Variants in TIMM8B observed in about 807,000 individuals in gnomAD.
TIMM8B encodes the protein translocase of inner mitochondrial membrane 8 homolog B.
Under a neutral mutation model 8.5 loss-of-function variants are expected in TIMM8B, and 5 were observed. The observed-to-expected ratio is 0.59, with a 90% confidence interval of 0.31 to 1.24. The LOEUF (loss-of-function observed/expected upper bound fraction) is 1.24. Among genes scored for constraint, TIMM8B ranks in the 50% most tolerant of loss-of-function variants. The pLI is 0.07. For missense variants in TIMM8B, 104 were observed against 109.2 expected, an observed-to-expected ratio of 0.95 and a Z score of 0.21; for synonymous variants, 44 against 39.9, an observed-to-expected ratio of 1.10 and a Z score of -0.39.
rs777463291 is a variant in TIMM8B at position 112,086,668 on chromosome 11, T to A, written c.56A>T (p.Glu19Val). 102 of 1,601,806 alleles carry A rather than the reference T, an allele frequency of 6.4e-5. No individual in the cohort carries two copies. The highest frequency in any genetic ancestry group is 8.6e-5 in the Non-Finnish European group (101 of 1,178,606). ...TGCAGTAAACTGCGCCTTCTGCTGC[T>A]CGGCGGCCACCAGGCGCTGCAACTC... ...EAELQRLVAA[E>V]QQKAQFTAQV... The change falls in exon 1 of 2, where the codon GAG (glutamate) becomes GTG (valine). Residue 19 changes from glutamate (E) to valine (V), a missense_variant. Physicochemically the swap from Glu to Val is moderately radical, Grantham distance 121. Transcript: ENST00000504148.
intron 1 of TIMM8B, 69 bp from the exon 2 acceptor site, chr11:112,085,531 C>T: frequency 3.1e-6 from 4 of 1,310,020 alleles, no homozygotes; most frequent in Non-Finnish European, 4.2e-6. Flanking sequence ...ATTAACTTCT[C>T]ACTTTTTGAC....
At chr11:112,086,018 G>A (rs773545276) in intron 1 of TIMM8B, 7 of 1,156,024 alleles carry the variant, frequency 6.1e-6, no homozygotes, top group Non-Finnish European at 6.5e-6. Context: ...TTCTCTCTAA[G>A]GTCCTCAAGG....
intron 1 of TIMM8B, chr11:112,085,966 C>T: frequency 1.8e-6 from 2 of 1,081,918 alleles, no homozygotes; most frequent in South Asian, 2.5e-5. Context: ...AACCATTTTA[C>T]CAAGAGCTTA....
chr11:112,086,069 A>T (rs916499686), intron 1 of TIMM8B: 5 of 1,185,626 alleles, frequency 4.2e-6, no homozygotes, highest in Non-Finnish European at 5.3e-6. Context: ...GTGATTATGT[A>T]GTCCAAGGTC....
chr11:112,085,875 G>A (rs945102547), intron 1 of TIMM8B: 2 of 390,582 alleles, frequency 5.1e-6, no homozygotes, highest in Middle Eastern at 1.2e-3. Flanking sequence ...ACTGTCATTA[G>A]AATGTTCAGG....
intron 1 of TIMM8B, 182 bp downstream of exon 1, chr11:112,086,458 C>G (rs1865600312): frequency 1.1e-6 from 1 of 941,658 alleles, no homozygotes; most frequent in Non-Finnish European, 1.6e-6. Context: ...GCTTATATAC[C>G]TGGCACCTGA....
chr11:112,085,936 C>T, intron 1 of TIMM8B: 1 of 984,162 alleles, frequency 1.0e-6, no homozygotes, highest in Non-Finnish European at 1.3e-6. Flanking sequence ...GCACCCTCTT[C>T]CTCCCACCCA....
Position 112,084,935 on chromosome 11 carries a change from A to T in TIMM8B, c.*360T>A, listed in dbSNP as rs529995315. ...CTTCGATGGTTCTTCCAACCCCCTTAATATGGCTTAGGGTGGTTTTTCAAA... is the reference window on the plus strand; with the variant it reads ...CTTCGATGGTTCTTCCAACCCCCTTTATATGGCTTAGGGTGGTTTTTCAAA... On this transcript the variant is annotated 3_prime_UTR_variant, in exon 2 of 2. Transcript: ENST00000504148. 5 of 167,652 alleles carry T rather than the reference A, an allele frequency of 3.0e-5. No individual in the cohort carries two copies. The East Asian group carries it at 8.3e-4, about 28-fold the overall frequency. 10.4% of individuals were successfully genotyped at this position (167,652 alleles called of 1,614,324 possible).
chr11:112,086,729 G>C lies in TIMM8B; in HGVS notation c.-6C>G. On this transcript the variant is annotated 5_prime_UTR_variant, in exon 1 of 2. Transcript: ENST00000504148. ...GCTTCGCCCAGCTCCGCCATTGTTC[G>C]CCTCAGGCTCGCCACCTTCCGACAG... 1 of 1,601,738 alleles carries C rather than the reference G, an allele frequency of 6.2e-7. No individual in the cohort carries two copies. Among genetic ancestry groups the C allele is most frequent in the Non-Finnish European group, 8.5e-7 (1 of 1,176,044 alleles).
chr11:112,086,387 C>T (rs1039209400), intron 1 of TIMM8B: 9 of 674,724 alleles, frequency 1.3e-5, no homozygotes, highest in Non-Finnish European at 2.4e-5. Flanking sequence ...TAACTAGTCT[C>T]CCGTACCCTT....
intron 1 of TIMM8B, among the ~76,000 whole-genome samples, 171 bp from the exon 2 acceptor site, chr11:112,085,633 A>C (rs1235461634): frequency 2.0e-5 from 3 of 152,140 alleles, no homozygotes; most frequent in African/African-American, 7.2e-5. Context: ...ATTGATCCAG[A>C]TCCTCGTCCC....
rs868724540 is a variant in TIMM8B at position 112,086,515 on chromosome 11, T to C, written c.84+125A>G. 9 of 1,391,004 alleles carry C rather than the reference T, an allele frequency of 6.5e-6. No homozygotes were observed. In the Middle Eastern group the frequency reaches 8.7e-4, roughly 134 times the overall value. 86.2% of individuals were successfully genotyped at this position (1,391,004 alleles called of 1,614,324 possible). A position where few individuals can be genotyped will look rare whatever the true frequency, so the allele number is the denominator to read the frequency against. The stretch of plus-strand genomic sequence containing the variant: ...AGGAGAGCCATAACTTTGTCTTTCG[T>C]GAGGGGAATGGGATGCAGCCGGGAT... On this transcript the variant is annotated intron_variant, in intron 1 of 1. Transcript: ENST00000504148.
In TIMM8B at chr11:112,086,674, G is replaced by T; in HGVS notation, c.50C>A (p.Ala17Asp). 1 of 1,602,052 alleles carries T rather than the reference G, an allele frequency of 6.2e-7. No individual in the cohort carries two copies. Residue 17 changes from alanine (A) to aspartate (D), a missense_variant, in exon 1 of 2, where the codon GCC becomes GAC. Transcript: ENST00000504148. ...AAACTGCGCCTTCTGCTGCTCGGCG[G>T]CCACCAGGCGCTGCAACTCCGCTTC... ...ADEAELQRLVAAEQQKAQFTA... is the reference protein window; with the variant it reads ...ADEAELQRLVDAEQQKAQFTA...
Position 112,086,120 on chromosome 11 carries a change from C to T in TIMM8B, c.84+520G>A, listed in dbSNP as rs534483525. On this transcript the variant is annotated intron_variant, in intron 1 of 1. Coordinates refer to ENST00000504148, the MANE Select transcript of TIMM8B (RefSeq NM_012459.4). The stretch of plus-strand genomic sequence containing the variant: ...AGTCAGGCCGCGTTAGAACCATGTC[C>T]GAAGGGCTCCAAACCCTTGTTCTAC... 4.3e-5 allele frequency: 48 copies of T among 1,103,804 alleles called. No individual in the cohort carries two copies. The African/African-American group carries it at 6.6e-4, about 15-fold the overall frequency. 68.4% of individuals were successfully genotyped at this position (1,103,804 alleles called of 1,614,324 possible). A position where few individuals can be genotyped will look rare whatever the true frequency, so the allele number is the denominator to read the frequency against.
intron 1 of TIMM8B, 73 bp downstream of exon 1, chr11:112,086,567 A>C: frequency 6.7e-7 from 1 of 1,491,044 alleles, no homozygotes; most frequent in Non-Finnish European, 8.9e-7. Context: ...GCCAGTGTAC[A>C]GACCTCCGAG....
In TIMM8B at chr11:112,086,708, C is replaced by T. The variant is rs1352755224; in HGVS notation, c.16G>A (p.Glu6Lys). Residue 6 changes from glutamate to lysine, a missense_variant, in exon 1 of 2, where the codon GAA (glutamate) becomes AAA (lysine). Coordinates refer to ENST00000504148, the MANE Select transcript of TIMM8B (RefSeq NM_012459.4). Reference sequence around the variant, plus strand: ...CGCTGCAACTCCGCTTCATCGGCTTCGCCCAGCTCCGCCATTGTTCGCCTC... The same window carrying T: ...CGCTGCAACTCCGCTTCATCGGCTTTGCCCAGCTCCGCCATTGTTCGCCTC... MAELG[E>K]ADEAELQRLV... is the part of the protein sequence containing the mutation. The T allele has an allele frequency of 6.2e-7, 1 of 1,601,766 alleles. No individual in the cohort carries two copies. The highest frequency in any genetic ancestry group is 2.2e-5 in the East Asian group (1 of 44,658).
chr11:112,085,223 G>C lies in TIMM8B; in HGVS notation c.*72C>G, dbSNP rs1485447952. Reference sequence around the variant, plus strand: ...ATGCTGATCTGACAATGGGTTGATAGCCTTCCCCCACTGACCCTTAAATCT... The same window carrying C: ...ATGCTGATCTGACAATGGGTTGATACCCTTCCCCCACTGACCCTTAAATCT... On this transcript the variant is annotated 3_prime_UTR_variant, in exon 2 of 2. Coordinates refer to ENST00000504148, the MANE Select transcript of TIMM8B (RefSeq NM_012459.4). 1.5e-6 allele frequency: 2 copies of C among 1,307,088 alleles called. No individual in the cohort carries two copies. Among genetic ancestry groups the C allele is most frequent in the Non-Finnish European group, 2.1e-6 (2 of 944,724 alleles). The allele number at this position is 1,307,088 out of a possible 1,614,324, so 81.0% of individuals were successfully genotyped here. A position where few individuals can be genotyped will look rare whatever the true frequency, so the allele number is the denominator to read the frequency against.
intron 1 of TIMM8B, chr11:112,086,318 G>A (rs1255240911): frequency 3.7e-6 from 2 of 544,714 alleles, no homozygotes; most frequent in Non-Finnish European, 7.0e-6. Flanking sequence ...GGCCTGCAAG[G>A]AGCAGAGGGA....
intron 1 of TIMM8B, 85 bp downstream of exon 1, chr11:112,086,555 C>T: frequency 6.8e-7 from 1 of 1,472,640 alleles, no homozygotes; most frequent in Non-Finnish European, 9.0e-7. Flanking sequence ...CACCAGTGAG[C>T]CGCCAGTGTA....
Sources: gnomAD v4.1 joint callset for allele counts (sites outside exome capture counted in the v4.1 genomes callset) on GRCh38, gnomAD v4.1.1 for gene constraint, MANE v1.5 for transcripts, NCBI Gene and HGNC (gene_info 2026-07-23, HGNC 2026-07-21) for gene names.